Variants in RFX7 observed in about 807,000 individuals in gnomAD.
RFX7 encodes DNA-binding protein RFX7.
In RFX7, 26 loss-of-function variants were observed where a neutral mutation model predicts 111.8. The observed-to-expected ratio is 0.23, with a 90% CI of 0.17 to 0.32. RFX7 has a LOEUF of 0.32. RFX7 is among the 10% of genes least tolerant of loss of function. The pLI, the probability that RFX7 is intolerant of heterozygous loss-of-function variation, is 1.00. For synonymous variants in RFX7, 624 were observed against 624.4 expected, an observed-to-expected ratio of 1.00 and a Z score of 0.01; for missense variants, 1,573 against 1,772.9, an observed-to-expected ratio of 0.89 and a Z score of 2.02.
At chr15:56,231,973 G>C (rs1161620067) in intron 2 of RFX7, among the ~76,000 whole-genome samples, 1 of 152,206 alleles carries the variant, frequency 6.6e-6, no homozygotes, top group Non-Finnish European at 1.5e-5. Flanking sequence ...TCACATCCAG[G>C]TCACACTGAT....
At chr15:56,242,205 A>G (rs1232541897) in intron 2 of RFX7, among the ~76,000 whole-genome samples, 1 of 152,230 alleles carries the variant, frequency 6.6e-6, no homozygotes, top group African/African-American at 2.4e-5. Context: ...CTTAGACCAA[A>G]TTCCAAATAT....
chr15:56,210,867 G>A (rs1190916862), intron 2 of RFX7, among the ~76,000 whole-genome samples: 6 of 151,928 alleles, frequency 3.9e-5, no homozygotes, highest in Non-Finnish European at 8.8e-5. Flanking sequence ...AATAACCTAA[G>A]CTTCCATCGT....
chr15:56,186,981 AG>A (rs1299024402), intron 2 of RFX7, among the ~76,000 whole-genome samples: 1 of 152,204 alleles, frequency 6.6e-6, no homozygotes, highest in Non-Finnish European at 1.5e-5. Flanking sequence ...TGGATGTTTC[AG>A]TTTCCTGAAC....
At chr15:56,127,746 C>T (rs995233966) in intron 5 of RFX7, among the ~76,000 whole-genome samples, 17 of 151,724 alleles carry the variant, frequency 1.1e-4, no homozygotes, top group Admixed American at 1.3e-4. Flanking sequence ...CGGGGTTTCA[C>T]CGTGTTAGCC....
intron 5 of RFX7, among the ~76,000 whole-genome samples, chr15:56,131,777 T>C (rs570011145): frequency 1.6e-4 from 25 of 152,210 alleles, no homozygotes; most frequent in East Asian, 5.8e-4. Context: ...ATATGTAAAA[T>C]TGGAAGGAAA....
At position 56,087,938 on chromosome 15, in the gene RFX7, G is replaced by T. The variant is rs751723364; in HGVS notation, c.*5407C>A. On this transcript the variant is annotated 3_prime_UTR_variant, in exon 10 of 10. Coordinates refer to ENST00000559447, the MANE Select transcript of RFX7 (RefSeq NM_022841.7). ...TGAAATATGCTTGAAAAGCTGTGTG[G>T]AAAACAAAATTTTGTTTTTAAATCT... 1 of 336,220 alleles carries T rather than the reference G, an allele frequency of 3.0e-6. No homozygotes were observed. Among genetic ancestry groups the T allele is most frequent in the South Asian group, 2.4e-5 (1 of 41,596 alleles). 20.8% of individuals were successfully genotyped at this position (336,220 alleles called of 1,614,324 possible). A position where few individuals can be genotyped will look rare whatever the true frequency, so the allele number is the denominator to read the frequency against.
intron 5 of RFX7, among the ~76,000 whole-genome samples, chr15:56,127,153 T>A (rs1374433054): frequency 6.6e-6 from 1 of 152,004 alleles, no homozygotes; most frequent in Non-Finnish European, 1.5e-5. Flanking sequence ...TCCCTGGTCA[T>A]AATGGAAAGA....
At chr15:56,192,863 C>G (rs1879349) in intron 2 of RFX7, 30,735 of 218,056 alleles carry the variant, frequency 0.14, 2,869 homozygotes, top group East Asian at 0.43. Flanking sequence ...TGCTGGCAAA[C>G]TTGTATGTTC....
Position 56,096,183 on chromosome 15 carries a change from A to G in RFX7, c.1545T>C (p.Ser515=). ...ACCCAGGAGACTGAAGCGACACGAC[A>G]GAACCATTCTTGATCTGTGGAACAC... The part of the protein sequence containing the change: ...SRSVPQIKNG[S]VVSLQSPGSR... The change falls in exon 10 of 10, where the codon TCT becomes TCC. Residue 515 remains serine (S), a synonymous_variant. Transcript: ENST00000559447. 6.2e-7 allele frequency: 1 copy of G among 1,613,956 alleles called. No homozygotes were observed. The highest frequency in any genetic ancestry group is 8.5e-7 in the Non-Finnish European group (1 of 1,179,868).
chr15:56,198,077 C>T (rs1334147873), intron 2 of RFX7, among the ~76,000 whole-genome samples: 1 of 152,112 alleles, frequency 6.6e-6, no homozygotes, highest in East Asian at 1.9e-4. Flanking sequence ...CTCGTAGGGA[C>T]GGTGGCTATA....
chr15:56,151,180 C>G (rs1489040769), intron 3 of RFX7, among the ~76,000 whole-genome samples: 6 of 152,086 alleles, frequency 3.9e-5, no homozygotes. Flanking sequence ...CAAGACAGGC[C>G]AACATTCAAA....
In RFX7 at chr15:56,101,576, GA is replaced by G; in HGVS notation, c.604-11del. 1 of 1,603,354 alleles carries G rather than the reference GA, an allele frequency of 6.2e-7. No individual in the cohort carries two copies. The highest frequency in any genetic ancestry group is 8.5e-7 in the Non-Finnish European group (1 of 1,173,530). On this transcript the variant is annotated splice_polypyrimidine_tract_variant and intron_variant, in intron 7 of 9. Transcript: ENST00000559447. ...GTTCAGCTCCTTCCAACTAGGCAAA[GA>G]AAAAAGGAAATGTTAACTTGTAAAA... is the stretch of plus-strand genomic sequence containing the variant.
Position 56,096,614 on chromosome 15 carries a change from G to A in RFX7, c.1114C>T (p.Arg372Trp), listed in dbSNP as rs753853951. ...AAVPSPIPVQ[R>W]TRQLVTSPSP... The stretch of plus-strand genomic sequence containing the variant: ...GGTGAAGTTACCAATTGCCTAGTCC[G>A]CTGGACCTGTTAAAAGATAGCAAAA... Residue 372 changes from arginine (R) to tryptophan (W), a missense_variant, in exon 10 of 10, where the codon CGG becomes TGG. Physicochemically the swap from Arg to Trp is moderately radical, Grantham distance 101. This residue lies in a region of RFX7 where 288 missense variants were observed against 337.9 expected (regional missense o/e 0.85). Coordinates refer to ENST00000559447, the MANE Select transcript of RFX7 (RefSeq NM_022841.7). 2 of 1,574,514 alleles carry A rather than the reference G, an allele frequency of 1.3e-6. No individual in the cohort carries two copies. The highest frequency in any genetic ancestry group is 1.7e-6 in the Non-Finnish European group (2 of 1,158,390).
chr15:56,207,669 T>G (rs2043267901), intron 2 of RFX7, among the ~76,000 whole-genome samples: 2 of 152,196 alleles, frequency 1.3e-5, no homozygotes. Context: ...TAAATTGGAC[T>G]TGTGCTCTAC....
chr15:56,152,712 C>T (rs764750745), intron 3 of RFX7, among the ~76,000 whole-genome samples: 1 of 149,612 alleles, frequency 6.7e-6, no homozygotes, highest in Non-Finnish European at 1.5e-5. Context: ...CAGAGCAGAA[C>T]TGAAGGAGAT....
At chr15:56,133,690 T>C (rs74754245) in intron 5 of RFX7, among the ~76,000 whole-genome samples, 9,972 of 152,228 alleles carry the variant, frequency 0.066, 449 homozygotes, top group Admixed American at 0.1. Context: ...TAGTTTTCTT[T>C]AGACAACATA....
intron 2 of RFX7, among the ~76,000 whole-genome samples, chr15:56,219,302 C>A (rs1023580153): frequency 1.4e-4 from 22 of 152,172 alleles, no homozygotes; most frequent in African/African-American, 5.1e-4. Flanking sequence ...TAGAGCCACT[C>A]CAGCTTTCTA....
chr15:56,199,695 A>C (rs1177783744), intron 2 of RFX7, among the ~76,000 whole-genome samples: 1 of 152,142 alleles, frequency 6.6e-6, no homozygotes, highest in Non-Finnish European at 1.5e-5. Flanking sequence ...AGGAACCAAA[A>C]ACATGGTCTT....
At chr15:56,196,293 C>T (rs1224205958) in intron 2 of RFX7, among the ~76,000 whole-genome samples, 4 of 151,864 alleles carry the variant, frequency 2.6e-5, no homozygotes, top group African/African-American at 9.7e-5. Flanking sequence ...TATCTCATTC[C>T]ACCATTCCTT....
Sources: allele counts gnomAD v4.1 joint callset (sites outside exome capture counted in the v4.1 genomes callset), GRCh38; gene constraint gnomAD v4.1.1; regional missense constraint gnomAD v4.1.1; transcripts MANE v1.5; gene names NCBI Gene and HGNC (gene_info 2026-07-23, HGNC 2026-07-21).